The following C1orf50 variants were observed in gnomAD, a reference collection of about 807,000 sequenced individuals.
C1orf50 encodes the protein uncharacterized protein C1orf50.
C1orf50 carries 22 observed loss-of-function variants against 23.3 expected under a neutral mutation model. The ratio of observed to expected loss-of-function variants is 0.94; its 90% CI spans 0.67 to 1.35. C1orf50 has a LOEUF of 1.35. C1orf50 is among the 40% of genes most tolerant of loss of function. C1orf50 has a pLI of 0.00. For missense variants in C1orf50, 271 were observed against 249.4 expected (o/e 1.09, Z -0.58); for synonymous variants, 96 against 102.4 (o/e 0.94, Z 0.38).
intron 2 of C1orf50, among the ~76,000 whole-genome samples, chr1:42,768,901 A>AT (rs1391373505): frequency 6.6e-6 from 1 of 152,162 alleles, no homozygotes. Context: ...TACAATCTGT[A>AT]TTTGAGAAGC....
chr1:42,767,375 G>A lies in C1orf50; in HGVS notation c.64G>A (p.Ala22Thr), dbSNP rs1360368099. ...GVLERQGAPP[A>T]AGQGGALVEL... Reference sequence around the variant, plus strand: ...CCTTGAAAGGCAAGGAGCGCCGCCAGCTGCAGGCCAGGGAGGTATGCGGGG... The same window carrying A: ...CCTTGAAAGGCAAGGAGCGCCGCCAACTGCAGGCCAGGGAGGTATGCGGGG... The change falls in exon 1 of 5, where the codon GCT becomes ACT. Residue 22 changes from alanine to threonine, a missense_variant. Coordinates refer to ENST00000372525, the MANE Select transcript of C1orf50 (RefSeq NM_024097.4). 6.5e-7 allele frequency: 1 copy of A among 1,538,278 alleles called. No individual in the cohort carries two copies. The highest frequency in any genetic ancestry group is 8.7e-7 in the Non-Finnish European group (1 of 1,146,784).
At chr1:42,771,531 T>C (rs898564800) in intron 2 of C1orf50, among the ~76,000 whole-genome samples, 5 of 152,050 alleles carry the variant, frequency 3.3e-5, no homozygotes, top group African/African-American at 1.2e-4. Flanking sequence ...ACACTATATT[T>C]TGAAGGCTTA....
rs1653359443 is a variant in C1orf50, at chr1:42,777,284, C to CAGGG, written c.*1891_*1894dup. Reference sequence around the variant, plus strand: ...CTAATTTTTTTATTTTTAGTAGAGACAGGGTTTCACCATGTTGGCCAGGAG... The same window carrying CAGGG: ...CTAATTTTTTTATTTTTAGTAGAGACAGGGAGGGTTTCACCATGTTGGCCAGGAG... On this transcript the variant is annotated 3_prime_UTR_variant, in exon 5 of 5. Transcript: ENST00000372525. 6.6e-6 allele frequency: 1 copy of CAGGG among 152,238 alleles called. No individual in the cohort carries two copies. The highest frequency in any genetic ancestry group is 2.1e-4 in the South Asian group (1 of 4,836). 9.4% of individuals were successfully genotyped at this position (152,238 alleles called of 1,614,324 possible). A position where few individuals can be genotyped will look rare whatever the true frequency, so the allele number is the denominator to read the frequency against.
At position 42,775,205 on chromosome 1, in the gene C1orf50, C is replaced by G. The variant is rs1319380898; in HGVS notation, c.415-4C>G. ...ATGGGAACTGCCTCCTTTGCCTTCT[C>G]TAGGAATGGGGGACAAGTTGTCCAC... On this transcript the variant is annotated splice_polypyrimidine_tract_variant and splice_region_variant and intron_variant, in intron 4 of 4. Coordinates refer to ENST00000372525, the MANE Select transcript of C1orf50 (RefSeq NM_024097.4). 1 of 1,587,022 alleles carries G rather than the reference C, an allele frequency of 6.3e-7. No homozygotes were observed. The highest frequency in any genetic ancestry group is 1.3e-5 in the African/African-American group (1 of 74,528).
At chr1:42,772,768 C>T (rs1158421749) in intron 2 of C1orf50, among the ~76,000 whole-genome samples, 15 of 121,702 alleles carry the variant, frequency 1.2e-4, no homozygotes, top group Admixed American at 3.4e-4. Flanking sequence ...ACAATAAGAA[C>T]GAAAACTGTC....
chr1:42,774,600 T>G, intron 3 of C1orf50, 137 bp from the exon 4 acceptor site: 1 of 933,126 alleles, frequency 1.1e-6, no homozygotes, highest in Non-Finnish European at 1.6e-6. Flanking sequence ...ATAATCTGGA[T>G]CTCAGAAGTG....
intron 2 of C1orf50, among the ~76,000 whole-genome samples, chr1:42,769,376 C>G (rs910571705): frequency 6.6e-6 from 1 of 150,634 alleles, no homozygotes; most frequent in Non-Finnish European, 1.5e-5. Context: ...GAAACCCTGT[C>G]TCTACTAAAA....
At chr1:42,773,410 C>T (rs934833498) in intron 2 of C1orf50, 153 bp from the exon 3 acceptor site, 2 of 529,772 alleles carry the variant, frequency 3.8e-6, no homozygotes, top group Admixed American at 6.5e-5. Flanking sequence ...TGAGTGGGGC[C>T]TCGGATGAGT....
rs1020076710 is a variant in C1orf50 at position 42,775,764 on chromosome 1, A to T, written c.*370A>T. On this transcript the variant is annotated 3_prime_UTR_variant, in exon 5 of 5. Coordinates refer to ENST00000372525, the MANE Select transcript of C1orf50 (RefSeq NM_024097.4). The stretch of plus-strand genomic sequence containing the variant: ...CAGAGAGAACTGTTTTCAGTCTTTT[A>T]TATATATATATATATATATATAACT... 15 of 138,674 alleles carry T rather than the reference A, an allele frequency of 1.1e-4. No individual in the cohort carries two copies. Among genetic ancestry groups the T allele is most frequent in the Admixed American group, 4.3e-4 (6 of 13,926 alleles). 8.6% of individuals were successfully genotyped at this position (138,674 alleles called of 1,614,324 possible).
At position 42,776,453 on chromosome 1, in the gene C1orf50, G is replaced by T. The variant is rs761817967; in HGVS notation, c.*1059G>T. On this transcript the variant is annotated 3_prime_UTR_variant, in exon 5 of 5. Coordinates refer to ENST00000372525, the MANE Select transcript of C1orf50 (RefSeq NM_024097.4). Reference sequence around the variant, plus strand: ...GCATGGCTATAATCTATTGCAATATGCTGTAAAAGGAGGGAGAGATGTGTA... The same window carrying T: ...GCATGGCTATAATCTATTGCAATATTCTGTAAAAGGAGGGAGAGATGTGTA... 6.6e-6 allele frequency: 1 copy of T among 152,224 alleles called. No individual in the cohort carries two copies. The highest frequency in any genetic ancestry group is 1.5e-5 in the Non-Finnish European group (1 of 68,046). 9.4% of individuals were successfully genotyped at this position (152,224 alleles called of 1,614,324 possible). A position where few individuals can be genotyped will look rare whatever the true frequency, so the allele number is the denominator to read the frequency against.
chr1:42,767,666 C>G, intron 2 of C1orf50, 42 bp downstream of exon 2: 1 of 1,530,858 alleles, frequency 6.5e-7, no homozygotes, highest in Non-Finnish European at 8.9e-7. Context: ...CATCTTCGTT[C>G]ACGTTGTACT....
chr1:42,769,602 G>C (rs1653173096), intron 2 of C1orf50: 1 of 151,772 alleles, frequency 6.6e-6, no homozygotes, highest in African/African-American at 2.4e-5. Flanking sequence ...CGAGCACTTT[G>C]GGAGGCCAAG....
Position 42,773,642 on chromosome 1 carries a change from C to G in C1orf50, c.275C>G (p.Ala92Gly), listed in dbSNP as rs1453159074. Residue 92 changes from alanine to glycine, a missense_variant, in exon 3 of 5, where the codon GCC becomes GGC. Transcript: ENST00000372525. ...CAAATCCAACATTTGCAAGAACAAG[C>G]CAGGAAGGTAAGGAATGACTGTTAG... Reference protein sequence around the residue: ...AEQIQHLQEQARKVLEDAHRD... With the variant: ...AEQIQHLQEQGRKVLEDAHRD... The G allele has an allele frequency of 5.0e-6, 8 of 1,607,936 alleles. No homozygotes were observed. Among genetic ancestry groups the G allele is most frequent in the Non-Finnish European group, 6.8e-6 (8 of 1,174,900 alleles).
At chr1:42,775,081 G>A in intron 4 of C1orf50, 128 bp from the exon 5 acceptor site, 1 of 993,514 alleles carries the variant, frequency 1.0e-6, no homozygotes, top group Non-Finnish European at 1.5e-6. Flanking sequence ...TAAGGTAACT[G>A]CGTTCCAAAG....
intron 2 of C1orf50, among the ~76,000 whole-genome samples, chr1:42,768,662 TTTTA>T (rs1653145856): frequency 6.6e-6 from 1 of 152,242 alleles, no homozygotes; most frequent in Admixed American, 6.5e-5. Flanking sequence ...AAAGTGCAAC[TTTTA>T]TTTATTAAGA....
At position 42,774,780 on chromosome 1, in the gene C1orf50, C is replaced by T; in HGVS notation, c.326C>T (p.Ala109Val). 2.5e-6 allele frequency: 4 copies of T among 1,613,730 alleles called. No individual in the cohort carries two copies. The highest frequency in any genetic ancestry group is 3.4e-6 in the Non-Finnish European group (4 of 1,179,830). ...AHRDANLHHV[A>V]CNIVKKPGNI... ...AGAGATGCCAACCTGCACCATGTAG[C>T]TTGTAATATAGTGAAAAAACCTGGC... Residue 109 changes from alanine (A) to valine (V), a missense_variant, in exon 4 of 5, where the codon GCT becomes GTT. Coordinates refer to ENST00000372525, the MANE Select transcript of C1orf50 (RefSeq NM_024097.4).
In C1orf50 at chr1:42,773,648, A is replaced by C; in HGVS notation, c.281A>C (p.Lys94Thr). ...CAACATTTGCAAGAACAAGCCAGGA[A>C]GGTAAGGAATGACTGTTAGACAGGC... Reference protein sequence around the residue: ...QIQHLQEQARKVLEDAHRDAN... With the variant: ...QIQHLQEQARTVLEDAHRDAN... Residue 94 changes from lysine to threonine, a missense_variant and splice_region_variant, in exon 3 of 5, where the codon AAG (lysine) becomes ACG (threonine). Coordinates refer to ENST00000372525, the MANE Select transcript of C1orf50 (RefSeq NM_024097.4). 3 of 1,605,368 alleles carry C rather than the reference A, an allele frequency of 1.9e-6. No individual in the cohort carries two copies. The highest frequency in any genetic ancestry group is 2.6e-6 in the Non-Finnish European group (3 of 1,172,570).
Position 42,775,481 on chromosome 1 carries a change from T to G in C1orf50, c.*87T>G, listed in dbSNP as rs1211957746. On this transcript the variant is annotated 3_prime_UTR_variant, in exon 5 of 5. Coordinates refer to ENST00000372525, the MANE Select transcript of C1orf50 (RefSeq NM_024097.4). ...TGTTGCCTTGAGAATTGAAGACATG[T>G]AGGTGACTCACAAACTTCTTGGAAA... 1.6e-6 allele frequency: 2 copies of G among 1,231,686 alleles called. No homozygotes were observed. The highest frequency in any genetic ancestry group is 3.0e-5 in the African/African-American group (2 of 67,002). The allele number at this position is 1,231,686 out of a possible 1,614,324, so 76.3% of individuals were successfully genotyped here. A position where few individuals can be genotyped will look rare whatever the true frequency, so the allele number is the denominator to read the frequency against.
chr1:42,769,253 C>A (rs1280998560), intron 2 of C1orf50, among the ~76,000 whole-genome samples: 3 of 150,728 alleles, frequency 2.0e-5, no homozygotes, highest in East Asian at 2.0e-4. Context: ...TAAAAAAAAA[C>A]AAAAAAATGA....
Sources: gnomAD v4.1 joint callset for allele counts (sites outside exome capture counted in the v4.1 genomes callset) on GRCh38, gnomAD v4.1.1 for gene constraint, MANE v1.5 for transcripts, NCBI Gene and HGNC (gene_info 2026-07-23, HGNC 2026-07-21) for gene names.